Variants in NFU1 observed in about 807,000 individuals in gnomAD.
The protein encoded by NFU1 is NFU1 iron-sulfur cluster scaffold homolog, mitochondrial.
NFU1 carries 30 observed loss-of-function variants against 32.2 expected under a neutral mutation model. The observed-to-expected ratio is 0.93, with a 90% CI of 0.70 to 1.26. The LOEUF is 1.26. Ranked by LOEUF, NFU1 falls within the 50% of genes most tolerant of loss-of-function variation. NFU1 has a pLI of 0.00. For synonymous variants in NFU1, 112 were observed against 104.6 expected (o/e 1.07, Z -0.43); for missense variants, 306 against 306.6 (o/e 1.00, Z 0.02).
chr2:69,431,091 C>T (rs547676764), intron 2 of NFU1, among the ~76,000 whole-genome samples: 56 of 152,186 alleles, frequency 3.7e-4, no homozygotes, highest in African/African-American at 1.3e-3. Flanking sequence ...GTATATATCT[C>T]GTTAACAATC....
chr2:69,437,434 G>A lies in NFU1; in HGVS notation c.-12C>T, dbSNP rs911886677. 2 of 1,610,022 alleles carry A rather than the reference G, an allele frequency of 1.2e-6. No individual in the cohort carries two copies. Among genetic ancestry groups the A allele is most frequent in the Non-Finnish European group, 1.7e-6 (2 of 1,179,372 alleles). ...GCCGTCGCCGCCATCTTAGTCCGGA[G>A]TGCCTAAGGGTCTCCCTGACAGAAC... is the stretch of plus-strand genomic sequence containing the variant. On this transcript the variant is annotated 5_prime_UTR_variant, in exon 1 of 8. Coordinates refer to ENST00000410022, the MANE Select transcript of NFU1 (RefSeq NM_001002755.4).
intron 5 of NFU1, among the ~76,000 whole-genome samples, chr2:69,410,094 A>G (rs1427596271): frequency 2.0e-5 from 3 of 152,170 alleles, no homozygotes; most frequent in Non-Finnish European, 2.9e-5. Flanking sequence ...ACATTATTTT[A>G]AAACAGATAC....
intron 5 of NFU1, among the ~76,000 whole-genome samples, chr2:69,409,943 A>G (rs1442548751): frequency 4.6e-5 from 7 of 152,312 alleles, no homozygotes; most frequent in African/African-American, 1.7e-4. Flanking sequence ...GTGTATATGC[A>G]CATATAAACG....
At position 69,401,367 on chromosome 2, in the gene NFU1, G is replaced by A. The variant is rs555078380; in HGVS notation, c.546-829C>T. On this transcript the variant is annotated intron_variant, in intron 6 of 7. Coordinates refer to ENST00000410022, the MANE Select transcript of NFU1 (RefSeq NM_001002755.4). ...AATATAAATTCTATTTATAAATCAC[G>A]TAGAATTACTCTTTTGTATCTGGCT... 7.9e-5 allele frequency among the ~76,000 whole-genome samples: 12 copies of A among 152,230 alleles called. No individual in the cohort carries two copies. In the South Asian group the frequency reaches 2.1e-3, roughly 26 times the overall value.
chr2:69,437,205 C>T (rs546975781), intron 1 of NFU1, 156 bp downstream of exon 1: 19 of 1,448,692 alleles, frequency 1.3e-5, no homozygotes, highest in Non-Finnish European at 1.5e-5. Context: ...CACAGACAGC[C>T]TCAGGGCTCA....
chr2:69,401,771 T>G (rs1004987402), intron 6 of NFU1, among the ~76,000 whole-genome samples: 1 of 152,370 alleles, frequency 6.6e-6, no homozygotes, highest in Admixed American at 6.5e-5. Context: ...ATTGGTGTTG[T>G]CAGTCTTAAT....
chr2:69,407,492 T>A (rs146314641), intron 5 of NFU1, among the ~76,000 whole-genome samples: 1 of 140,238 alleles, frequency 7.1e-6, no homozygotes, highest in Non-Finnish European at 1.6e-5. Context: ...GCCTGGCCAA[T>A]AGGGCAAAAC....
chr2:69,396,068 A>G (rs534564697), downstream of NFU1: 2 of 557,188 alleles, frequency 3.6e-6, no homozygotes, highest in African/African-American at 1.9e-5. Flanking sequence ...TGTACAGAAG[A>G]TGATTCAAGA....
intron 7 of NFU1, among the ~76,000 whole-genome samples, chr2:69,397,802 T>C (rs755712637): frequency 6.6e-6 from 1 of 151,018 alleles, no homozygotes; most frequent in Non-Finnish European, 1.5e-5. Flanking sequence ...TAATCCCAGC[T>C]ACCTGGGAAG....
At chr2:69,426,628 T>C (rs1673464117) in intron 2 of NFU1, among the ~76,000 whole-genome samples, 1 of 152,174 alleles carries the variant, frequency 6.6e-6, no homozygotes, top group Non-Finnish European at 1.5e-5. Context: ...CATGATTAGA[T>C]TGAGAATGGA....
At chr2:69,437,075 G>GCTCTACAGCCAGT (rs1266380557) in intron 1 of NFU1, among the ~76,000 whole-genome samples, 4 of 152,220 alleles carry the variant, frequency 2.6e-5, no homozygotes, top group Admixed American at 6.5e-5. Context: ...CTCCGTTCTG[G>GCTCTACAGCCAGT]CTCTACAGCC....
chr2:69,413,995 C>A (rs1021358642), intron 5 of NFU1, among the ~76,000 whole-genome samples: 1 of 141,800 alleles, frequency 7.1e-6, no homozygotes, highest in Admixed American at 7.0e-5. Context: ...TGCAGTGAGC[C>A]GAGATCACGC....
chr2:69,400,241 A>G, intron 7 of NFU1, 123 bp downstream of exon 7: 1 of 890,132 alleles, frequency 1.1e-6, no homozygotes, highest in Non-Finnish European at 1.8e-6. Flanking sequence ...CAGCCCTTGA[A>G]GAAAAAGCTA....
At chr2:69,419,712 C>T in intron 3 of NFU1, 108 bp from the exon 4 acceptor site, 1 of 712,008 alleles carries the variant, frequency 1.4e-6, no homozygotes, top group East Asian at 2.7e-5. Context: ...TCCTTTGCAG[C>T]TTTAACAATG....
At chr2:69,422,626 G>C (rs949238062) in intron 3 of NFU1, among the ~76,000 whole-genome samples, 14 of 151,898 alleles carry the variant, frequency 9.2e-5, no homozygotes, top group Non-Finnish European at 1.8e-4. Flanking sequence ...TTTTTCTTAA[G>C]TAAAAATATA....
Position 69,419,616 on chromosome 2 carries a change from GA to G in NFU1, c.303-13del. The G allele has an allele frequency of 6.8e-7, 1 of 1,471,472 alleles. No homozygotes were observed. The highest frequency in any genetic ancestry group is 9.5e-7 in the Non-Finnish European group (1 of 1,056,912). 91.2% of individuals were successfully genotyped at this position (1,471,472 alleles called of 1,614,324 possible). ...TCCTAAATAACTGCCTGCAAAAAAA[GA>G]AAAAATAAGAGATATTAAAATGCTT... On this transcript the variant is annotated splice_polypyrimidine_tract_variant and intron_variant, in intron 3 of 7. Coordinates refer to ENST00000410022, the MANE Select transcript of NFU1 (RefSeq NM_001002755.4).
At position 69,419,355 on chromosome 2, in the gene NFU1, A is replaced by G. The variant is rs1392322508; in HGVS notation, c.369+183T>C. Among the ~76,000 whole-genome samples, 4 of 152,128 alleles carry G rather than the reference A, an allele frequency of 2.6e-5. No individual in the cohort carries two copies. The East Asian group carries it at 7.7e-4, about 29-fold the overall frequency. Reference sequence around the variant, plus strand: ...AAAAAAGAAAAAGAAAAGAAAAAGAAAAACATAGCATATTTCGCTTGATTC... The same window carrying G: ...AAAAAAGAAAAAGAAAAGAAAAAGAGAAACATAGCATATTTCGCTTGATTC... On this transcript the variant is annotated intron_variant, in intron 4 of 7. Transcript: ENST00000410022.
At chr2:69,401,728 G>T (rs1444462929) in intron 6 of NFU1, among the ~76,000 whole-genome samples, 2 of 152,190 alleles carry the variant, frequency 1.3e-5, no homozygotes, top group Non-Finnish European at 2.9e-5. Context: ...AGCAGTGTAT[G>T]AGAGTTTCTG....
chr2:69,437,444 G>A (rs1673889906), upstream of NFU1: 3 of 1,608,728 alleles, frequency 1.9e-6, no homozygotes, highest in Admixed American at 1.7e-5. Flanking sequence ...GTGCCTAAGG[G>A]TCTCCCTGAC....
Sources: allele counts gnomAD v4.1 joint callset (sites outside exome capture counted in the v4.1 genomes callset), GRCh38; gene constraint gnomAD v4.1.1; transcripts MANE v1.5; gene names NCBI Gene and HGNC (gene_info 2026-07-23, HGNC 2026-07-21).